Variants in DLG2 observed in about 807,000 individuals in gnomAD.
DLG2 encodes the protein discs large MAGUK scaffold protein 2, also known as disks large homolog 2.
In DLG2, 45 loss-of-function variants were observed where a neutral mutation model predicts 132.5. The ratio of observed to expected loss-of-function variants is 0.34; its 90% confidence interval spans 0.27 to 0.44. The LOEUF (loss-of-function observed/expected upper bound fraction) is 0.44, where lower values mean the gene tolerates loss of function less well. Ranked by LOEUF, DLG2 falls within the 20% of genes least tolerant of loss-of-function variation. The probability of loss-of-function intolerance (pLI) is 1.00; values close to 1 mark genes in which losing one functional copy is unlikely to be tolerated. For synonymous variants in DLG2, 424 were observed against 419.6 expected (o/e 1.01, Z -0.13); for missense variants, 1,045 against 1,196.9 (o/e 0.87, Z 1.87).
chr11:85,450,132 A>G (rs1565507304), intron 3 of DLG2, among the ~76,000 whole-genome samples: 1 of 152,198 alleles, frequency 6.6e-6, no homozygotes, highest in Non-Finnish European at 1.5e-5. Context: ...TCCGTTTTAA[A>G]AAAAAATGAC....
At chr11:85,362,724 C>CT (rs2084257955) in intron 3 of DLG2, among the ~76,000 whole-genome samples, 1 of 151,102 alleles carries the variant, frequency 6.6e-6, no homozygotes, top group Non-Finnish European at 1.5e-5. Flanking sequence ...GAAATTATTC[C>CT]TTTTTTATCT....
chr11:85,285,548 T>A (rs2078501724), intron 3 of DLG2, among the ~76,000 whole-genome samples, 183 bp from the exon 4 acceptor site: 1 of 152,034 alleles, frequency 6.6e-6, no homozygotes, highest in East Asian at 1.9e-4. Flanking sequence ...TTTAGAATGC[T>A]TATAGCAGCT....
intron 6 of DLG2, among the ~76,000 whole-genome samples, chr11:84,819,433 A>T (rs1468700821): frequency 6.6e-6 from 1 of 151,866 alleles, no homozygotes; most frequent in Non-Finnish European, 1.5e-5. Context: ...TTCAGATTCA[A>T]ATGTCACAGG....
intron 5 of DLG2, among the ~76,000 whole-genome samples, chr11:85,148,416 T>A (rs1450107866): frequency 6.6e-6 from 1 of 152,136 alleles, no homozygotes; most frequent in Non-Finnish European, 1.5e-5. Context: ...CCAGCATCTA[T>A]TGTTTGTTGC....
chr11:83,609,407 G>C (rs1377470770), intron 19 of DLG2, among the ~76,000 whole-genome samples: 1 of 152,130 alleles, frequency 6.6e-6, no homozygotes, highest in African/African-American at 2.4e-5. Flanking sequence ...CTCCTTTCTG[G>C]CTCCAAGCAC....
At chr11:83,901,388 G>T (rs2073382283) in intron 15 of DLG2, among the ~76,000 whole-genome samples, 1 of 152,144 alleles carries the variant, frequency 6.6e-6, no homozygotes. Flanking sequence ...ATCTCATTTT[G>T]TATCTCCCAG....
At chr11:85,111,907 T>A (rs1392571397) in intron 5 of DLG2, among the ~76,000 whole-genome samples, 172 bp from the exon 6 acceptor site, 1 of 152,122 alleles carries the variant, frequency 6.6e-6, no homozygotes, top group Admixed American at 6.6e-5. Flanking sequence ...TCTACTCTTA[T>A]CAAAGCATAA....
At chr11:84,997,074 A>G (rs1292635702) in intron 6 of DLG2, among the ~76,000 whole-genome samples, 1 of 152,148 alleles carries the variant, frequency 6.6e-6, no homozygotes, top group African/African-American at 2.4e-5. Flanking sequence ...AAACGTCATT[A>G]ATAATCATGG....
At chr11:84,443,996 A>C (rs2099025209) in intron 7 of DLG2, among the ~76,000 whole-genome samples, 1 of 148,820 alleles carries the variant, frequency 6.7e-6, no homozygotes, top group African/African-American at 2.6e-5. Flanking sequence ...CTTTTCATCA[A>C]TAAGTCTCCA....
intron 6 of DLG2, among the ~76,000 whole-genome samples, chr11:85,059,279 A>G (rs951702813): frequency 2.0e-5 from 3 of 151,514 alleles, no homozygotes; most frequent in Non-Finnish European, 3.0e-5. Flanking sequence ...GAAAAAAAAA[A>G]TGTAGAGCAG....
intron 6 of DLG2, among the ~76,000 whole-genome samples, chr11:84,791,272 G>A (rs2073809383): frequency 6.6e-6 from 1 of 152,124 alleles, no homozygotes; most frequent in African/African-American, 2.4e-5. Context: ...AGATTTGGCT[G>A]AGGACCCAGA....
intron 18 of DLG2, among the ~76,000 whole-genome samples, chr11:83,633,629 G>A (rs1186765661): frequency 6.6e-6 from 1 of 151,980 alleles, no homozygotes; most frequent in African/African-American, 2.4e-5. Flanking sequence ...CAGGGAGGTA[G>A]ATGTGGTTAT....
chr11:84,220,580 G>C (rs981614453), intron 8 of DLG2, among the ~76,000 whole-genome samples: 1 of 152,066 alleles, frequency 6.6e-6, no homozygotes, highest in Non-Finnish European at 1.5e-5. Flanking sequence ...TGTGCTGAGG[G>C]AATAACATCA....
At chr11:84,961,047 T>C (rs917401821) in intron 6 of DLG2, among the ~76,000 whole-genome samples, 4 of 152,116 alleles carry the variant, frequency 2.6e-5, no homozygotes, top group East Asian at 3.9e-4. Flanking sequence ...TATATTGAAA[T>C]GTAAATATAT....
At chr11:85,459,759 G>C (rs930275385) in intron 3 of DLG2, among the ~76,000 whole-genome samples, 5 of 152,182 alleles carry the variant, frequency 3.3e-5, no homozygotes, top group African/African-American at 1.2e-4. Context: ...GTTGTGGGCT[G>C]TCTCTGGGAT....
intron 7 of DLG2, among the ~76,000 whole-genome samples, chr11:84,363,454 C>G (rs1447526551): frequency 3.3e-5 from 5 of 151,910 alleles, no homozygotes; most frequent in African/African-American, 9.7e-5. Flanking sequence ...CTCCCATTTT[C>G]TGGGTTTCCT....
At chr11:83,590,975 G>A (rs1343414035) in intron 19 of DLG2, among the ~76,000 whole-genome samples, 2 of 151,782 alleles carry the variant, frequency 1.3e-5, no homozygotes, top group Admixed American at 6.6e-5. Context: ...CCAATAACAG[G>A]AGCTGAAATT....
At chr11:83,987,809 A>G (rs1023048991) in intron 11 of DLG2, among the ~76,000 whole-genome samples, 1 of 152,170 alleles carries the variant, frequency 6.6e-6, no homozygotes, top group Non-Finnish European at 1.5e-5. Context: ...TTGACTTTTT[A>G]ATAATAGCCA....
chr11:85,072,851 A>G (rs143685677), intron 6 of DLG2, among the ~76,000 whole-genome samples: 292 of 152,008 alleles, frequency 1.9e-3, no homozygotes, highest in African/African-American at 6.7e-3. Flanking sequence ...AGTCATTCAG[A>G]TAAATGACAT....
Sources: allele counts gnomAD v4.1 joint callset (sites outside exome capture counted in the v4.1 genomes callset), GRCh38; gene constraint gnomAD v4.1.1; transcripts MANE v1.5; gene names NCBI Gene and HGNC (gene_info 2026-07-23, HGNC 2026-07-21).